The following TRIM2 variants were observed in gnomAD, a reference collection of about 807,000 sequenced individuals.
TRIM2 encodes the protein tripartite motif containing 2.
In TRIM2, 20 loss-of-function variants were observed where a neutral mutation model predicts 75.2. The ratio of observed to expected loss-of-function variants is 0.27; its 90% CI spans 0.19 to 0.39. The LOEUF (loss-of-function observed/expected upper bound fraction) is 0.39, where lower values mean the gene tolerates loss of function less well. Among genes scored for constraint, TRIM2 ranks in the 10% least tolerant of loss-of-function variants. TRIM2 has a pLI of 1.00. For synonymous variants in TRIM2, 373 were observed against 388.3 expected, an observed-to-expected ratio of 0.96 and a Z score of 0.46; for missense variants, 660 against 990.8, an observed-to-expected ratio of 0.67 and a Z score of 4.48.
intron 1 of TRIM2, among the ~76,000 whole-genome samples, chr4:153,240,877 G>A (rs1746379942): frequency 6.6e-6 from 1 of 152,190 alleles, no homozygotes; most frequent in African/African-American, 2.4e-5. Context: ...TGGAGTTTGA[G>A]ACCAGCCTGA....
At chr4:153,223,238 C>T (rs1741174082) in intron 1 of TRIM2, among the ~76,000 whole-genome samples, 1 of 152,160 alleles carries the variant, frequency 6.6e-6, no homozygotes, top group South Asian at 2.1e-4. Flanking sequence ...AACCTGGACG[C>T]CGCGCGGCTC....
intron 8 of TRIM2, among the ~76,000 whole-genome samples, chr4:153,321,674 T>C (rs189265499): frequency 5.3e-5 from 8 of 152,192 alleles, no homozygotes; most frequent in Admixed American, 2.0e-4. Context: ...TACACAATGG[T>C]GAATAAAACA....
intron 1 of TRIM2, among the ~76,000 whole-genome samples, chr4:153,215,760 G>A (rs1380764938): frequency 1.1e-4 from 17 of 151,980 alleles, no homozygotes; most frequent in African/African-American, 2.9e-4. Flanking sequence ...TTAAAAACAG[G>A]CATTGAAATC....
rs1772711657 is a variant in TRIM2 at position 153,338,498 on chromosome 4, G to C, written c.*3532G>C. Reference sequence around the variant, plus strand: ...TAAAAGTGAAAGTGGTAATACTGTTGGTTTCTGTAAATGTTGCAGGGTTTT... The same window carrying C: ...TAAAAGTGAAAGTGGTAATACTGTTCGTTTCTGTAAATGTTGCAGGGTTTT... On this transcript the variant is annotated 3_prime_UTR_variant, in exon 12 of 12. Transcript: ENST00000338700. The C allele has an allele frequency of 3.0e-6, 3 of 984,886 alleles. No homozygotes were observed. Among genetic ancestry groups the C allele is most frequent in the South Asian group, 4.7e-5 (1 of 21,242 alleles). The allele number at this position is 984,886 out of a possible 1,614,324, so 61.0% of individuals were successfully genotyped here. A position where few individuals can be genotyped will look rare whatever the true frequency, so the allele number is the denominator to read the frequency against.
chr4:153,328,805 A>G, intron 11 of TRIM2, 135 bp downstream of exon 11: 1 of 979,086 alleles, frequency 1.0e-6, no homozygotes. Flanking sequence ...TCTCACCAGA[A>G]GGACCAAACT....
In TRIM2 at chr4:153,328,664, G is replaced by T. The variant is rs1434983358; in HGVS notation, c.2157G>T (p.Arg719Ser). Residue 719 changes from arginine to serine, a missense_variant, in exon 11 of 12, where the codon AGG becomes AGT. This residue lies in a region of TRIM2 where 40 missense variants were observed against 99.8 expected (regional missense o/e 0.40). Coordinates refer to ENST00000338700, the MANE Select transcript of TRIM2 (RefSeq NM_015271.5). ...NIIVADWGNSRIQVFDGSGSF... is the reference protein window; with the variant it reads ...NIIVADWGNSSIQVFDGSGSF... ...TTGTGGCCGACTGGGGAAACAGCAG[G>T]ATCCAGGTAGATCAATGTGCTAATG... The T allele has an allele frequency of 6.2e-7, 1 of 1,607,394 alleles. No homozygotes were observed. The highest frequency in any genetic ancestry group is 1.1e-5 in the South Asian group (1 of 89,374).
At chr4:153,310,356 G>T (rs775558686) in intron 6 of TRIM2, 9 of 152,118 alleles carry the variant, frequency 5.9e-5, no homozygotes, top group Non-Finnish European at 1.2e-4. Flanking sequence ...AGAGAGAGAA[G>T]AGACTTTCTA....
intron 1 of TRIM2, among the ~76,000 whole-genome samples, chr4:153,249,684 C>G (rs927773804): frequency 3.3e-5 from 5 of 152,220 alleles, no homozygotes; most frequent in Admixed American, 6.5e-5. Flanking sequence ...CACGGAGACT[C>G]CCGAACTCTT....
At chr4:153,251,627 T>C (rs1449784280) in intron 1 of TRIM2, among the ~76,000 whole-genome samples, 1 of 152,218 alleles carries the variant, frequency 6.6e-6, no homozygotes, top group African/African-American at 2.4e-5. Flanking sequence ...ATGCATCACC[T>C]CATACCTTTA....
chr4:153,185,130 C>T (rs1277706479), intron 1 of TRIM2, among the ~76,000 whole-genome samples: 3 of 152,206 alleles, frequency 2.0e-5, no homozygotes, highest in Admixed American at 6.5e-5. Context: ...CGCATTCTTC[C>T]TGTGTATGTA....
At chr4:153,185,909 T>C (rs1206142219) in intron 1 of TRIM2, among the ~76,000 whole-genome samples, 2 of 152,156 alleles carry the variant, frequency 1.3e-5, no homozygotes, top group Non-Finnish European at 2.9e-5. Context: ...TTAGGAGACA[T>C]GAACAGAGTA....
At chr4:153,236,505 T>C (rs545282715) in intron 1 of TRIM2, among the ~76,000 whole-genome samples, 2 of 152,292 alleles carry the variant, frequency 1.3e-5, no homozygotes, top group East Asian at 3.9e-4. Context: ...TCTACTTTTT[T>C]TAAACAAACA....
chr4:153,253,266 A>G (rs769285827), intron 1 of TRIM2, among the ~76,000 whole-genome samples: 1 of 152,182 alleles, frequency 6.6e-6, no homozygotes, highest in Non-Finnish European at 1.5e-5. Flanking sequence ...GTGTTTCTCA[A>G]AGGAGATGCT....
chr4:153,187,261 C>G (rs1418905358), intron 1 of TRIM2, among the ~76,000 whole-genome samples: 2 of 152,112 alleles, frequency 1.3e-5, no homozygotes, highest in Non-Finnish European at 2.9e-5. Context: ...TTTGTAGATG[C>G]CCATTACTCT....
At chr4:153,175,006 T>G (rs1244513255) in intron 1 of TRIM2, among the ~76,000 whole-genome samples, 30 of 101,854 alleles carry the variant, frequency 2.9e-4, no homozygotes, top group African/African-American at 1.0e-3. Context: ...GTTTTGTTTT[T>G]GTTTTGTTTT....
chr4:153,325,129 G>T (rs889705781), intron 10 of TRIM2, among the ~76,000 whole-genome samples: 2 of 152,140 alleles, frequency 1.3e-5, no homozygotes, highest in African/African-American at 4.8e-5. Context: ...TAGATAAGGG[G>T]TAGGTTTTTT....
intron 1 of TRIM2, among the ~76,000 whole-genome samples, chr4:153,188,419 C>G (rs1356194178): frequency 6.6e-6 from 1 of 152,034 alleles, no homozygotes; most frequent in Non-Finnish European, 1.5e-5. Flanking sequence ...GAGACCATAC[C>G]ACTGCACTTT....
In TRIM2 at chr4:153,292,685, G is replaced by A. The variant is rs151197744; in HGVS notation, c.454-297G>A. Among the ~76,000 whole-genome samples, 412 of 152,260 alleles carry A rather than the reference G, an allele frequency of 2.7e-3. 2 individuals carry two copies. The highest frequency in any genetic ancestry group is 9.4e-3 in the African/African-American group (390 of 41,546). On this transcript the variant is annotated intron_variant, in intron 3 of 11. Coordinates refer to ENST00000338700, the MANE Select transcript of TRIM2 (RefSeq NM_015271.5). Reference sequence around the variant, plus strand: ...CTCAATAATTTTTAAAGATTATAACGGGGTCCTGATATAAAAATGTTTGAG... The same window carrying A: ...CTCAATAATTTTTAAAGATTATAACAGGGTCCTGATATAAAAATGTTTGAG...
chr4:153,295,173 C>T lies in TRIM2; in HGVS notation c.787-140C>T, dbSNP rs1209825825. The T allele has an allele frequency of 8.3e-6, 10 of 1,202,958 alleles. No individual in the cohort carries two copies. The highest frequency in any genetic ancestry group is 1.1e-5 in the Non-Finnish European group (10 of 890,724). The allele number at this position is 1,202,958 out of a possible 1,614,324, so 74.5% of individuals were successfully genotyped here. On this transcript the variant is annotated intron_variant, in intron 5 of 11. Transcript: ENST00000338700. The surrounding 1 kb of genome is among the most constrained non-coding windows in gnomAD (Gnocchi z 7.2). Reference sequence around the variant, plus strand: ...TAGGACTTTGCGTTAGCACTGGGTTCCCTGGGTTGACAAACACCGCTTGCT... The same window carrying T: ...TAGGACTTTGCGTTAGCACTGGGTTTCCTGGGTTGACAAACACCGCTTGCT...
Sources: gnomAD v4.1 joint callset for allele counts (sites outside exome capture counted in the v4.1 genomes callset) on GRCh38, gnomAD v4.1.1 for gene constraint, gnomAD v4.1.1 regional missense constraint, Gnocchi (gnomAD v3.1) non-coding constraint, MANE v1.5 for transcripts, NCBI Gene and HGNC (gene_info 2026-07-23, HGNC 2026-07-21) for gene names.